The following ZFPM2 variants were observed in gnomAD, a reference collection of about 807,000 sequenced individuals.
The protein encoded by ZFPM2 is zinc finger protein, FOG family member 2.
Under a neutral mutation model 98.6 loss-of-function variants are expected in ZFPM2, and 20 were observed. That is an observed-to-expected ratio of 0.20 (90% CI 0.14 to 0.29). ZFPM2 has a LOEUF of 0.29. ZFPM2 is among the 10% of genes least tolerant of loss of function. The probability of loss-of-function intolerance (pLI) is 1.00; values close to 1 mark genes in which losing one functional copy is unlikely to be tolerated. For missense variants in ZFPM2, 1,310 were observed against 1,388.6 expected (o/e 0.94, Z 0.90); for synonymous variants, 518 against 502.7 (o/e 1.03, Z -0.41).
At chr8:105,449,833 T>C (rs957191873) in intron 3 of ZFPM2, among the ~76,000 whole-genome samples, 8 of 152,114 alleles carry the variant, frequency 5.3e-5, no homozygotes, top group African/African-American at 1.9e-4. Context: ...AATTAATTAC[T>C]CTTAATATTA....
At chr8:105,692,361 A>T (rs757710615) in intron 5 of ZFPM2, among the ~76,000 whole-genome samples, 7 of 152,220 alleles carry the variant, frequency 4.6e-5, no homozygotes, top group Non-Finnish European at 1.0e-4. Flanking sequence ...CAAATAATTT[A>T]AACACAAATA....
intron 1 of ZFPM2, among the ~76,000 whole-genome samples, chr8:105,390,877 G>T (rs11774007): frequency 0.51 from 77,421 of 151,944 alleles, 20,113 homozygotes; most frequent in Admixed American, 0.6. Flanking sequence ...AGACTGATAT[G>T]AAGGAGATAA....
intron 1 of ZFPM2, among the ~76,000 whole-genome samples, chr8:105,380,567 AAATC>A (rs891544039): frequency 1.6e-5 from 2 of 121,918 alleles, no homozygotes; most frequent in African/African-American, 6.1e-5. Context: ...GCAGACCAGA[AAATC>A]AACAGATATT....
intron 5 of ZFPM2, among the ~76,000 whole-genome samples, chr8:105,739,860 T>C (rs1236785322): frequency 6.6e-6 from 1 of 152,026 alleles, no homozygotes; most frequent in Non-Finnish European, 1.5e-5. Flanking sequence ...GCAATGCCCA[T>C]ACAAATAATA....
At chr8:105,520,222 C>T (rs1814020939) in intron 3 of ZFPM2, among the ~76,000 whole-genome samples, 1 of 135,120 alleles carries the variant, frequency 7.4e-6, no homozygotes, top group Non-Finnish European at 1.5e-5. Context: ...AGGCCAGTTC[C>T]TATCTTAATA....
At chr8:105,501,292 C>T (rs1458895850) in intron 3 of ZFPM2, among the ~76,000 whole-genome samples, 5 of 151,142 alleles carry the variant, frequency 3.3e-5, no homozygotes, top group Non-Finnish European at 7.4e-5. Context: ...AAGCGATTCT[C>T]CTGCCTCAGC....
At chr8:105,693,739 T>A (rs1206141022) in intron 5 of ZFPM2, among the ~76,000 whole-genome samples, 2 of 152,100 alleles carry the variant, frequency 1.3e-5, no homozygotes, top group South Asian at 2.1e-4. Context: ...AAATGGTGTA[T>A]TATCCAATTT....
In ZFPM2 at chr8:105,795,051, C is replaced by T. The variant is rs901465794; in HGVS notation, c.740-3673C>T. The stretch of plus-strand genomic sequence containing the variant: ...GCGCTTCCCGAGTGAGGCAATGCCT[C>T]GCCCTGCTTCAGCTCATGCACGGTG... On this transcript the variant is annotated intron_variant, in intron 6 of 7. Coordinates refer to ENST00000407775, the MANE Select transcript of ZFPM2 (RefSeq NM_012082.4). 1.1e-4 allele frequency among the ~76,000 whole-genome samples: 17 copies of T among 152,298 alleles called. 1 individual carries two copies. In the Middle Eastern group the frequency reaches 0.01, roughly 91 times the overall value.
intron 1 of ZFPM2, among the ~76,000 whole-genome samples, chr8:105,407,672 A>G (rs1386539083): frequency 1.3e-5 from 2 of 151,930 alleles, no homozygotes; most frequent in African/African-American, 4.8e-5. Context: ...AGAGAGGGCT[A>G]TTGGTTGAGT....
intron 1 of ZFPM2, among the ~76,000 whole-genome samples, chr8:105,383,434 A>T (rs1415377701): frequency 2.6e-5 from 4 of 152,174 alleles, no homozygotes; most frequent in African/African-American, 9.7e-5. Context: ...GTCCAATGAC[A>T]AATAAATCTT....
chr8:105,326,950 A>C (rs1237752985), intron 1 of ZFPM2, among the ~76,000 whole-genome samples: 1 of 151,272 alleles, frequency 6.6e-6, no homozygotes, highest in African/African-American at 2.4e-5. Context: ...GGAGGCCAAT[A>C]AAATGCTATA....
chr8:105,368,195 G>C (rs947184459), intron 1 of ZFPM2, among the ~76,000 whole-genome samples: 1 of 146,476 alleles, frequency 6.8e-6, no homozygotes, highest in Non-Finnish European at 1.5e-5. Flanking sequence ...CTCTTTTTTG[G>C]TTGTGTCTCT....
chr8:105,348,080 G>A (rs1303235124), intron 1 of ZFPM2, among the ~76,000 whole-genome samples: 1 of 152,086 alleles, frequency 6.6e-6, no homozygotes, highest in Non-Finnish European at 1.5e-5. Context: ...ACTGATAGAA[G>A]CAAGTTCTAA....
In ZFPM2 at chr8:105,634,262, T is replaced by C. The variant is rs1563751728; in HGVS notation, c.437T>C (p.Val146Ala). The change falls in exon 5 of 8, where the codon GTC becomes GCC. Residue 146 changes from valine to alanine, a missense_variant. By Grantham distance (64) the Val-to-Ala change is moderately conservative (BLOSUM62 0). Coordinates refer to ENST00000407775, the MANE Select transcript of ZFPM2 (RefSeq NM_012082.4). ...TTTCTACAGAAGACAAAGGCTCAGGTCCCAATGGTGCTGACTGCTGGTCCC... is the reference window on the plus strand; with the variant it reads ...TTTCTACAGAAGACAAAGGCTCAGGCCCCAATGGTGCTGACTGCTGGTCCC... Reference protein sequence around the residue: ...NNNSLKTKAQVPMVLTAGPKW... With the variant: ...NNNSLKTKAQAPMVLTAGPKW... 3 of 1,612,510 alleles carry C rather than the reference T, an allele frequency of 1.9e-6. No homozygotes were observed. The highest frequency in any genetic ancestry group is 1.7e-4 in the Middle Eastern group (1 of 6,056).
intron 4 of ZFPM2, among the ~76,000 whole-genome samples, chr8:105,611,581 A>C (rs1816307825): frequency 6.6e-6 from 1 of 152,148 alleles, no homozygotes; most frequent in African/African-American, 2.4e-5. Flanking sequence ...GAAATCAGGG[A>C]GACAGGAACA....
rs571983399 is a variant in ZFPM2 at position 105,711,420 on chromosome 8, C to G, written c.532+77063C>G. Among the ~76,000 whole-genome samples, 107 of 152,152 alleles carry G rather than the reference C, an allele frequency of 7.0e-4. 1 individual carries two copies. The highest frequency in any genetic ancestry group is 2.5e-3 in the African/African-American group (104 of 41,544). ...AAATACTTCTGGATATATAAGCTCT[C>G]CACTTAAAAGAATAGATCTTTAGTT... On this transcript the variant is annotated intron_variant, in intron 5 of 7. Coordinates refer to ENST00000407775, the MANE Select transcript of ZFPM2 (RefSeq NM_012082.4).
At chr8:105,618,679 C>G (rs1157250005) in intron 4 of ZFPM2, among the ~76,000 whole-genome samples, 2 of 151,974 alleles carry the variant, frequency 1.3e-5, no homozygotes, top group Admixed American at 1.3e-4. Context: ...CCAAAATGAC[C>G]CTATGACATA....
chr8:105,698,051 TCCCTTGTATTTC>T (rs1044561459), intron 5 of ZFPM2, among the ~76,000 whole-genome samples: 1 of 152,214 alleles, frequency 6.6e-6, no homozygotes, highest in Non-Finnish European at 1.5e-5. Flanking sequence ...ATATGTATTT[TCCCTTGTATTTC>T]TCTCATGTCT....
chr8:105,702,932 A>G (rs1167275514), intron 5 of ZFPM2, among the ~76,000 whole-genome samples: 1 of 152,216 alleles, frequency 6.6e-6, no homozygotes, highest in Non-Finnish European at 1.5e-5. Context: ...AAAACTTCGC[A>G]TAGTGTAATC....
Sources: allele counts gnomAD v4.1 joint callset (sites outside exome capture counted in the v4.1 genomes callset), GRCh38; gene constraint gnomAD v4.1.1; transcripts MANE v1.5; gene names NCBI Gene and HGNC (gene_info 2026-07-23, HGNC 2026-07-21).